GAPVD1: variants seen among roughly 807,000 people sequenced by gnomAD.
GAPVD1 encodes GTPase activating protein and VPS9 domains 1.
GAPVD1 carries 35 observed loss-of-function variants against 155.5 expected under a neutral mutation model. That is an observed-to-expected ratio of 0.23 (90% CI 0.17 to 0.30). The LOEUF is 0.30. Among genes scored for constraint, GAPVD1 ranks in the 10% least tolerant of loss-of-function variants. GAPVD1 has a pLI of 1.00. For synonymous variants in GAPVD1, 636 were observed against 619.7 expected (o/e 1.03, Z -0.39); for missense variants, 1,429 against 1,775.7 (o/e 0.80, Z 3.51).
chr9:125,351,883 G>A (rs1177063315), intron 23 of GAPVD1, among the ~76,000 whole-genome samples: 1 of 152,136 alleles, frequency 6.6e-6, no homozygotes, highest in African/African-American at 2.4e-5. Flanking sequence ...TGGGATTACA[G>A]GCATGCGCCA....
intron 11 of GAPVD1, among the ~76,000 whole-genome samples, chr9:125,324,153 T>C (rs1436228028): frequency 1.3e-5 from 2 of 152,220 alleles, no homozygotes; most frequent in African/African-American, 2.4e-5. Flanking sequence ...ATATTTGATA[T>C]TTTAATTATG....
At chr9:125,360,495 C>T (rs1589148997) in intron 26 of GAPVD1, 33 bp from the exon 27 acceptor site, 1 of 1,576,568 alleles carries the variant, frequency 6.3e-7, no homozygotes, top group East Asian at 2.2e-5. Context: ...CCACTGGATT[C>T]AGAATCTGTA....
intron 2 of GAPVD1, among the ~76,000 whole-genome samples, chr9:125,293,862 A>ATATATATATATATATT (rs1839221457): frequency 7.3e-5 from 1 of 13,736 alleles, no homozygotes; most frequent in Non-Finnish European, 1.2e-4. Flanking sequence ...TTATATATAT[A>ATATATATATATATATT]TATATATATA....
chr9:125,276,623 A>G (rs188653396), intron 2 of GAPVD1, among the ~76,000 whole-genome samples: 1 of 152,142 alleles, frequency 6.6e-6, no homozygotes, highest in Non-Finnish European at 1.5e-5. Flanking sequence ...TGGGAGGCGG[A>G]GGTTGCAGTG....
chr9:125,320,647 A>G (rs1300485678), intron 9 of GAPVD1, among the ~76,000 whole-genome samples: 2 of 151,738 alleles, frequency 1.3e-5, no homozygotes. Flanking sequence ...TTTTTTTGAG[A>G]TGGAGTCTCA....
intron 8 of GAPVD1, among the ~76,000 whole-genome samples, chr9:125,311,394 C>T (rs543924367): frequency 4.6e-5 from 7 of 152,112 alleles, no homozygotes; most frequent in Non-Finnish European, 8.8e-5. Flanking sequence ...AGCCAAGGTG[C>T]GTGGATCACC....
At position 125,364,771 on chromosome 9, in the gene GAPVD1, A is replaced by T. The variant is rs1362131208; in HGVS notation, c.*2025A>T. 6.6e-6 allele frequency: 1 copy of T among 152,618 alleles called. No individual in the cohort carries two copies. The highest frequency in any genetic ancestry group is 2.4e-5 in the African/African-American group (1 of 41,436). The allele number at this position is 152,618 out of a possible 1,614,324, so 9.5% of individuals were successfully genotyped here. Reference sequence around the variant, plus strand: ...CAAACTTGCCTTGTATTAGAAGTTAAATCCCATCGTAAATACATCACGAGG... The same window carrying T: ...CAAACTTGCCTTGTATTAGAAGTTATATCCCATCGTAAATACATCACGAGG... On this transcript the variant is annotated 3_prime_UTR_variant, in exon 28 of 28. Transcript: ENST00000297933.
intron 10 of GAPVD1, 115 bp downstream of exon 10, chr9:125,321,677 T>A: frequency 1.1e-6 from 1 of 911,980 alleles, no homozygotes. Context: ...CTGAGGAGAC[T>A]AATGAAGATT....
intron 11 of GAPVD1, among the ~76,000 whole-genome samples, chr9:125,325,539 A>AAAC (rs71374252): frequency 1.4e-4 from 21 of 149,100 alleles, no homozygotes; most frequent in Non-Finnish European, 2.4e-4. Flanking sequence ...AAAAAAAAAA[A>AAAC]GATGATGCCC....
intron 12 of GAPVD1, among the ~76,000 whole-genome samples, chr9:125,328,602 T>G (rs919202686): frequency 6.7e-5 from 10 of 149,362 alleles, no homozygotes; most frequent in African/African-American, 2.5e-5. Context: ...GTCTACTTCT[T>G]TCTACACAGA....
intron 16 of GAPVD1, 52 bp downstream of exon 16, chr9:125,337,147 A>G: frequency 6.2e-7 from 1 of 1,601,924 alleles, no homozygotes; most frequent in Non-Finnish European, 8.6e-7. Context: ...GGAGGAGGAA[A>G]CCAAATCCCC....
At chr9:125,337,926 A>G (rs545001669) in intron 17 of GAPVD1, among the ~76,000 whole-genome samples, 7 of 152,324 alleles carry the variant, frequency 4.6e-5, no homozygotes, top group African/African-American at 1.7e-4. Context: ...CCCAGGCTAG[A>G]GTACAGTGGT....
Position 125,350,381 on chromosome 9 carries a change from T to C in GAPVD1, c.3386T>C (p.Leu1129Ser). ...CTGACCCATTCAACAAGGAATGGTTTACCAGACCACACAGACCCAGAAGGT... is the reference window on the plus strand; with the variant it reads ...CTGACCCATTCAACAAGGAATGGTTCACCAGACCACACAGACCCAGAAGGT... ...PVLTHSTRNG[L>S]PDHTDPEDNE... The change falls in exon 22 of 28, where the codon TTA becomes TCA. Residue 1129 changes from leucine (L) to serine (S), a missense_variant. Leu to Ser is a moderately radical substitution (Grantham distance 145). Transcript: ENST00000297933. 6.2e-7 allele frequency: 1 copy of C among 1,607,606 alleles called. No homozygotes were observed.
intron 3 of GAPVD1, among the ~76,000 whole-genome samples, chr9:125,296,580 CT>C (rs1839913902): frequency 6.6e-6 from 1 of 151,376 alleles, no homozygotes. Flanking sequence ...TCTTGAACTC[CT>C]GATCTCAGGT....
chr9:125,331,204 A>AT (rs5900651), intron 13 of GAPVD1, among the ~76,000 whole-genome samples: 92 of 146,620 alleles, frequency 6.3e-4, no homozygotes, highest in South Asian at 2.8e-3. Context: ...GTGTTTTATA[A>AT]TTTTTTTTTT....
At chr9:125,320,734 T>A (rs1844206694) in intron 9 of GAPVD1, among the ~76,000 whole-genome samples, 1 of 152,120 alleles carries the variant, frequency 6.6e-6, no homozygotes, top group Non-Finnish European at 1.5e-5. Context: ...CACGCCATTC[T>A]TCTGCCTCAG....
chr9:125,325,628 C>T (rs1465233066), intron 11 of GAPVD1, among the ~76,000 whole-genome samples: 1 of 150,472 alleles, frequency 6.6e-6, no homozygotes, highest in Non-Finnish European at 1.5e-5. Flanking sequence ...TTTCCCAAGT[C>T]TTACTTCTAA....
intron 11 of GAPVD1, among the ~76,000 whole-genome samples, chr9:125,325,053 C>T (rs529720732): frequency 6.6e-6 from 1 of 151,748 alleles, no homozygotes; most frequent in South Asian, 2.1e-4. Flanking sequence ...AGTGAAACCC[C>T]ATCTCTACTA....
intron 23 of GAPVD1, among the ~76,000 whole-genome samples, chr9:125,351,194 C>G (rs1849245210): frequency 6.6e-6 from 1 of 152,048 alleles, no homozygotes; most frequent in Admixed American, 6.5e-5. Flanking sequence ...CCCCCTTTTT[C>G]AAAACCATCA....
Sources: gnomAD v4.1 joint callset for allele counts (sites outside exome capture counted in the v4.1 genomes callset) on GRCh38, gnomAD v4.1.1 for gene constraint, MANE v1.5 for transcripts, NCBI Gene and HGNC (gene_info 2026-07-23, HGNC 2026-07-21) for gene names.